SPATA18: variants seen among roughly 807,000 people sequenced by gnomAD.
SPATA18 encodes mitochondria-eating protein.
SPATA18 carries 54 observed loss-of-function variants against 68.1 expected under a neutral mutation model. The ratio of observed to expected loss-of-function variants is 0.79; its 90% CI spans 0.64 to 0.99. The LOEUF (loss-of-function observed/expected upper bound fraction) is 0.99, where lower values mean the gene tolerates loss of function less well. SPATA18 is among the 50% of genes least tolerant of loss of function. The pLI is 0.00. For missense variants in SPATA18, 724 were observed against 681.1 expected, an observed-to-expected ratio of 1.06 and a Z score of -0.70; for synonymous variants, 242 against 244.8, an observed-to-expected ratio of 0.99 and a Z score of 0.11.
intron 1 of SPATA18, among the ~76,000 whole-genome samples, chr4:52,052,378 C>T (rs1737968013): frequency 6.6e-6 from 1 of 152,150 alleles, no homozygotes; most frequent in Admixed American, 6.5e-5. Context: ...CGGATTCAGG[C>T]CTTTTTCCAG....
chr4:52,085,093 TC>T, intron 11 of SPATA18, 94 bp downstream of exon 11: 2 of 960,282 alleles, frequency 2.1e-6, no homozygotes, highest in Non-Finnish European at 3.2e-6. Context: ...TGATTATAAG[TC>T]TACAGGTGGA....
Position 52,074,888 on chromosome 4 carries a change from G to A in SPATA18, c.759-1891G>A, listed in dbSNP as rs553428529. Among the ~76,000 whole-genome samples the A allele has an allele frequency of 1.1e-4, 16 of 152,224 alleles. No individual in the cohort carries two copies. In the South Asian group the frequency reaches 3.1e-3, roughly 30 times the overall value. ...GTGTGATAAGAAGACTTGCTCAGCC[G>A]CAATTAGATTTACCCAAGGCTCATC... On this transcript the variant is annotated intron_variant, in intron 6 of 12. Coordinates refer to ENST00000295213, the MANE Select transcript of SPATA18 (RefSeq NM_145263.4).
chr4:52,056,679 G>T (rs552036200), intron 1 of SPATA18, among the ~76,000 whole-genome samples: 1 of 152,064 alleles, frequency 6.6e-6, no homozygotes, highest in South Asian at 2.1e-4. Context: ...GTGTAATTTG[G>T]GGCTGGGAAG....
intron 5 of SPATA18, among the ~76,000 whole-genome samples, chr4:52,070,731 A>T (rs529749120): frequency 6.6e-6 from 1 of 152,236 alleles, no homozygotes; most frequent in Non-Finnish European, 1.5e-5. Context: ...AAATATGTAT[A>T]AAACATTCAT....
Position 52,082,411 on chromosome 4 carries a change from T to A in SPATA18, c.1380T>A (p.Asp460Glu), listed in dbSNP as rs1301771634. 6.2e-7 allele frequency: 1 copy of A among 1,614,058 alleles called. No individual in the cohort carries two copies. The highest frequency in any genetic ancestry group is 1.7e-5 in the Admixed American group (1 of 60,018). The stretch of plus-strand genomic sequence containing the variant: ...GATACCGCCGCAGCTACGACTCGGA[T>A]TTCACTGCTCCCTTAGTCCTCTATC... ...DCKYRRSYDS[D>E]FTAPLVLYHV... The change falls in exon 10 of 13, where the codon GAT becomes GAA. Residue 460 changes from aspartate to glutamate, a missense_variant. Asp to Glu is a conservative substitution (Grantham distance 45, BLOSUM62 2). Coordinates refer to ENST00000295213, the MANE Select transcript of SPATA18 (RefSeq NM_145263.4).
chr4:52,053,058 G>C (rs1457470270), intron 1 of SPATA18, among the ~76,000 whole-genome samples: 1 of 152,142 alleles, frequency 6.6e-6, no homozygotes, highest in African/African-American at 2.4e-5. Context: ...AGTCTCAGGA[G>C]GTTGAGAATA....
chr4:52,051,541 G>C lies in SPATA18; in HGVS notation c.-164G>C, dbSNP rs1031017906. On this transcript the variant is annotated 5_prime_UTR_variant, in exon 1 of 13. Transcript: ENST00000295213. ...ACCTCCCCTCTGGCTTCCCGAACCC[G>C]GCCAGGTCCGACCCGAGGGGGAGGA... 4.3e-6 allele frequency: 3 copies of C among 693,102 alleles called. No homozygotes were observed. Among genetic ancestry groups the C allele is most frequent in the South Asian group, 3.5e-5 (2 of 57,578 alleles). 42.9% of individuals were successfully genotyped at this position (693,102 alleles called of 1,614,324 possible).
Position 52,069,886 on chromosome 4 carries a change from CA to C in SPATA18, c.489del (p.Glu164ArgfsTer4). 1 of 1,590,796 alleles carries C rather than the reference CA, an allele frequency of 6.3e-7. No individual in the cohort carries two copies. ...KNRSAISLLAAEEEINQLKKQ... is the reference protein window; with the variant it reads ...KNRSAISLLAXEEEINQLKKQ... ...AGATCGGCCATATCCCTTTTGGCTG[CA>C]GAGGAGGAAATAAATCAGCTGAAAA... On this transcript the variant is annotated frameshift_variant, in exon 5 of 13. Coordinates refer to ENST00000295213, the MANE Select transcript of SPATA18 (RefSeq NM_145263.4). LOFTEE classifies it high-confidence loss of function.
In SPATA18 at chr4:52,051,543, C is replaced by CTGG; in HGVS notation, c.-162_-161insTGG. 5.7e-6 allele frequency: 4 copies of CTGG among 700,034 alleles called. No homozygotes were observed. The highest frequency in any genetic ancestry group is 2.4e-5 in the Admixed American group (1 of 42,452). The allele number at this position is 700,034 out of a possible 1,614,324, so 43.4% of individuals were successfully genotyped here. A position where few individuals can be genotyped will look rare whatever the true frequency, so the allele number is the denominator to read the frequency against. ...CTCCCCTCTGGCTTCCCGAACCCGG[C>CTGG]CAGGTCCGACCCGAGGGGGAGGATG... On this transcript the variant is annotated 5_prime_UTR_variant, in exon 1 of 13. Coordinates refer to ENST00000295213, the MANE Select transcript of SPATA18 (RefSeq NM_145263.4).
chr4:52,076,832 G>T lies in SPATA18; in HGVS notation c.812G>T (p.Arg271Leu). The change falls in exon 7 of 13, where the codon CGC becomes CTC. Residue 271 changes from arginine (R) to leucine (L), a missense_variant. By Grantham distance (102) the Arg-to-Leu change is moderately radical (BLOSUM62 -2). Coordinates refer to ENST00000295213, the MANE Select transcript of SPATA18 (RefSeq NM_145263.4). ...GCCCCTCGCAGCCGTAGCTGCAGCC[G>T]CAGCAGATCTGCCAGCCCCTCCACC... Reference protein sequence around the residue: ...SPAPRSRSCSRSRSASPSTAV... With the variant: ...SPAPRSRSCSLSRSASPSTAV... The T allele has an allele frequency of 6.2e-7, 1 of 1,614,080 alleles. No individual in the cohort carries two copies. The highest frequency in any genetic ancestry group is 8.5e-7 in the Non-Finnish European group (1 of 1,179,976).
intron 10 of SPATA18, 152 bp downstream of exon 10, chr4:52,082,662 C>T (rs946089933): frequency 6.6e-7 from 1 of 1,517,486 alleles, no homozygotes; most frequent in Non-Finnish European, 8.8e-7. Flanking sequence ...TCAAGAAGAA[C>T]TGATTCTTTT....
Position 52,072,014 on chromosome 4 carries a change from C to T in SPATA18, c.616C>T (p.Arg206Trp), listed in dbSNP as rs752171868. The T allele has an allele frequency of 1.2e-5, 20 of 1,613,696 alleles. No individual in the cohort carries two copies. Among genetic ancestry groups the T allele is most frequent in the East Asian group, 2.2e-5 (1 of 44,856 alleles). The change falls in exon 6 of 13, where the codon CGG becomes TGG. Residue 206 changes from arginine (R) to tryptophan (W), a missense_variant. Arg to Trp is a moderately radical substitution (Grantham distance 101). Transcript: ENST00000295213. ...RRSEPWSLEE[R>W]KREQWNSLKQ... ...GTCAGAGCCTTGGAGCTTGGAGGAG[C>T]GGAAGCGTGAGCAGTGGAACTCACT...
chr4:52,059,356 C>A (rs1352830538), intron 1 of SPATA18, among the ~76,000 whole-genome samples: 2 of 152,240 alleles, frequency 1.3e-5, no homozygotes, highest in Non-Finnish European at 2.9e-5. Flanking sequence ...TGCATTTTTA[C>A]AACCACATGA....
At chr4:52,092,076 T>C (rs1308747555) in intron 11 of SPATA18, among the ~76,000 whole-genome samples, 1 of 152,166 alleles carries the variant, frequency 6.6e-6, no homozygotes, top group Non-Finnish European at 1.5e-5. Flanking sequence ...CCATCCCAGA[T>C]AGATCTCAGA....
intron 4 of SPATA18, among the ~76,000 whole-genome samples, chr4:52,066,729 C>A (rs1478927687): frequency 6.6e-6 from 1 of 152,148 alleles, no homozygotes; most frequent in Non-Finnish European, 1.5e-5. Flanking sequence ...TGTTCAGCTC[C>A]CACTTATGAG....
chr4:52,080,805 A>G (rs1194815763), intron 9 of SPATA18, among the ~76,000 whole-genome samples: 1 of 152,234 alleles, frequency 6.6e-6, no homozygotes, highest in African/African-American at 2.4e-5. Context: ...GATGCTGCCC[A>G]GCATGAAGTG....
chr4:52,081,289 C>CATCT (rs1479245927), intron 9 of SPATA18, among the ~76,000 whole-genome samples: 1 of 152,214 alleles, frequency 6.6e-6, no homozygotes, highest in Non-Finnish European at 1.5e-5. Flanking sequence ...TGTGCCTGGA[C>CATCT]ATCTGTGCAG....
chr4:52,063,004 A>G (rs1739015568), intron 4 of SPATA18, among the ~76,000 whole-genome samples: 1 of 152,220 alleles, frequency 6.6e-6, no homozygotes, highest in South Asian at 2.1e-4. Context: ...AGAAAATTGT[A>G]TGTGGACTTT....
intron 9 of SPATA18, among the ~76,000 whole-genome samples, chr4:52,081,855 T>A (rs1302867817): frequency 1.7e-5 from 1 of 58,632 alleles, no homozygotes; most frequent in Non-Finnish European, 5.0e-5. Context: ...ACCTGCATCT[T>A]TGAGCATGTT....
Sources: allele counts gnomAD v4.1 joint callset (sites outside exome capture counted in the v4.1 genomes callset), GRCh38; gene constraint gnomAD v4.1.1; transcripts MANE v1.5; gene names NCBI Gene and HGNC (gene_info 2026-07-23, HGNC 2026-07-21).